Variants in TIAM1 observed in about 807,000 individuals in gnomAD.
TIAM1 encodes the protein TIAM Rac1 associated GEF 1.
A neutral mutation model predicts 163.5 loss-of-function variants in TIAM1; 65 were observed. The observed-to-expected ratio is 0.40, with a 90% confidence interval of 0.33 to 0.49. TIAM1 has a LOEUF of 0.49. Among genes scored for constraint, TIAM1 ranks in the 20% least tolerant of loss-of-function variants. The probability of loss-of-function intolerance (pLI) is 0.77; values close to 1 mark genes in which losing one functional copy is unlikely to be tolerated. For synonymous variants in TIAM1, 833 were observed against 810.1 expected, an observed-to-expected ratio of 1.03 and a Z score of -0.48; for missense variants, 1,789 against 2,044.7, an observed-to-expected ratio of 0.87 and a Z score of 2.41.
At chr21:31,226,350 A>G (rs976743453) in intron 6 of TIAM1, among the ~76,000 whole-genome samples, 1 of 152,200 alleles carries the variant, frequency 6.6e-6, no homozygotes, top group African/African-American at 2.4e-5. Flanking sequence ...CATTACTGAC[A>G]TAGGAAGCTA....
intron 2 of TIAM1, among the ~76,000 whole-genome samples, chr21:31,350,649 C>T (rs1427066494): frequency 6.6e-6 from 1 of 152,202 alleles, no homozygotes; most frequent in Non-Finnish European, 1.5e-5. Flanking sequence ...CGTGACATGT[C>T]TGCTCCTGCT....
intron 19 of TIAM1, among the ~76,000 whole-genome samples, chr21:31,147,282 C>T (rs910864227): frequency 1.3e-5 from 2 of 152,098 alleles, no homozygotes; most frequent in African/African-American, 4.8e-5. Context: ...AATAACCTAT[C>T]CGGGCTGTTT....
intron 1 of TIAM1, among the ~76,000 whole-genome samples, chr21:31,479,835 C>A (rs1344354096): frequency 6.6e-6 from 1 of 152,120 alleles, no homozygotes; most frequent in African/African-American, 2.4e-5. Flanking sequence ...AACCCTATTC[C>A]CCACTGGGAT....
chr21:31,232,233 A>G (rs1359105752), intron 6 of TIAM1, among the ~76,000 whole-genome samples: 1 of 152,188 alleles, frequency 6.6e-6, no homozygotes, highest in African/African-American at 2.4e-5. Context: ...AGCTGCATGA[A>G]ACATTTAGCC....
chr21:31,195,746 T>C (rs1205205460), intron 12 of TIAM1, among the ~76,000 whole-genome samples: 2 of 152,216 alleles, frequency 1.3e-5, no homozygotes, highest in Non-Finnish European at 2.9e-5. Context: ...AATGATAGCA[T>C]TGAAACAGAA....
Position 31,526,801 on chromosome 21 carries a change from G to A in TIAM1, c.-422+32126C>T, listed in dbSNP as rs1016843045. The stretch of plus-strand genomic sequence containing the variant: ...ACTAAAACCTCCGCCTCCCAGGTTC[G>A]TGCGATTTTCCTGCCTCAACCTCCC... On this transcript the variant is annotated intron_variant, in intron 1 of 28. Transcript: ENST00000286827. Among the ~76,000 whole-genome samples the A allele has an allele frequency of 4.6e-5, 7 of 152,152 alleles. No homozygotes were observed. The South Asian group carries it at 1.0e-3, about 23-fold the overall frequency.
At chr21:31,389,390 G>A (rs2076931915) in intron 2 of TIAM1, among the ~76,000 whole-genome samples, 1 of 152,078 alleles carries the variant, frequency 6.6e-6, no homozygotes, top group South Asian at 2.1e-4. Flanking sequence ...AGTATTTTTA[G>A]TAGAGACAGG....
chr21:31,543,584 G>A (rs952991716), intron 1 of TIAM1, among the ~76,000 whole-genome samples: 2 of 152,316 alleles, frequency 1.3e-5, no homozygotes, highest in Non-Finnish European at 2.9e-5. Context: ...GAGGAAAACT[G>A]TAAGAAGATG....
intron 2 of TIAM1, among the ~76,000 whole-genome samples, chr21:31,306,773 A>G (rs1038745716): frequency 4.6e-5 from 7 of 152,206 alleles, no homozygotes; most frequent in African/African-American, 1.7e-4. Flanking sequence ...TTCCTGACTG[A>G]AGGAGTCTAA....
intron 22 of TIAM1, among the ~76,000 whole-genome samples, chr21:31,137,212 G>C (rs1389688298): frequency 6.6e-6 from 1 of 152,238 alleles, no homozygotes; most frequent in Non-Finnish European, 1.5e-5. Context: ...GTGCAGTTTG[G>C]ATTGCCCTTC....
intron 13 of TIAM1, among the ~76,000 whole-genome samples, chr21:31,190,722 C>T (rs1048856321): frequency 6.6e-6 from 1 of 152,114 alleles, no homozygotes; most frequent in Non-Finnish European, 1.5e-5. Flanking sequence ...CTAATTTCAA[C>T]AGTAAAGTGT....
At position 31,124,683 on chromosome 21, in the gene TIAM1, C is replaced by T. The variant is rs771450873; in HGVS notation, c.4145G>A (p.Ser1382Asn). ...CACAGCCTTTAGGAAATCCTTTCGG[C>T]TCTCTGGGGAGCTAGGAAAAGAAGA... is the stretch of plus-strand genomic sequence containing the variant. The part of the protein sequence containing the change: ...VFHLCCSSPE[S>N]RKDFLKAVHS... The change falls in exon 27 of 28, where the codon AGC (serine) becomes AAC (asparagine). Residue 1382 changes from serine (S) to asparagine (N), a missense_variant. This residue lies in a region of TIAM1 where 415 missense variants were observed against 439.2 expected (regional missense o/e 0.94). Transcript: ENST00000541036. 7 of 1,579,764 alleles carry T rather than the reference C, an allele frequency of 4.4e-6. No homozygotes were observed. In the South Asian group the frequency reaches 7.0e-5, roughly 16 times the overall value.
intron 20 of TIAM1, among the ~76,000 whole-genome samples, chr21:31,143,020 G>GT (rs1158255883): frequency 6.6e-6 from 1 of 152,158 alleles, no homozygotes; most frequent in Non-Finnish European, 1.5e-5. Context: ...TCCAAGCAAC[G>GT]TAACAGTGGA....
At chr21:31,397,606 C>G (rs984987427) in intron 2 of TIAM1, among the ~76,000 whole-genome samples, 7 of 152,212 alleles carry the variant, frequency 4.6e-5, no homozygotes, top group African/African-American at 1.7e-4. Flanking sequence ...GGACAAAGAG[C>G]TGGTGAAACC....
Position 31,461,222 on chromosome 21 carries a change from A to G in TIAM1, c.-369+2761T>C, listed in dbSNP as rs548906527. Among the ~76,000 whole-genome samples, 3 of 152,206 alleles carry G rather than the reference A, an allele frequency of 2.0e-5. No individual in the cohort carries two copies. In the South Asian group the frequency reaches 6.2e-4, roughly 32 times the overall value. On this transcript the variant is annotated intron_variant, in intron 2 of 28. Coordinates refer to the TIAM1 transcript ENST00000286827. The stretch of plus-strand genomic sequence containing the variant: ...TTTGAGGCCAGGTGCAGTGGCTCAT[A>G]CCTGTAATCCCAGCACTTTGCGAGG...
intron 2 of TIAM1, among the ~76,000 whole-genome samples, chr21:31,298,329 C>T (rs1330884134): frequency 6.6e-6 from 1 of 152,192 alleles, no homozygotes; most frequent in African/African-American, 2.4e-5. Context: ...TTTATTTAAC[C>T]TAGTGTTTTC....
At chr21:31,411,258 T>C (rs764950386) in intron 2 of TIAM1, among the ~76,000 whole-genome samples, 4 of 152,124 alleles carry the variant, frequency 2.6e-5, no homozygotes, top group African/African-American at 7.2e-5. Flanking sequence ...GCAGCAAATA[T>C]TAAAAGCTAG....
At chr21:31,364,038 C>T (rs529904947) in intron 2 of TIAM1, among the ~76,000 whole-genome samples, 31 of 152,322 alleles carry the variant, frequency 2.0e-4, no homozygotes, top group Admixed American at 4.6e-4. Flanking sequence ...AACACACAGG[C>T]CTGCTGGTGT....
intron 2 of TIAM1, among the ~76,000 whole-genome samples, chr21:31,451,721 G>A (rs574287661): frequency 1.7e-3 from 39 of 23,188 alleles, no homozygotes; most frequent in Non-Finnish European, 2.8e-3. Context: ...GTGTGTGCGT[G>A]TGTGTGTGTG....
Sources: allele counts gnomAD v4.1 joint callset (sites outside exome capture counted in the v4.1 genomes callset), GRCh38; gene constraint gnomAD v4.1.1; regional missense constraint gnomAD v4.1.1; transcripts MANE v1.5; gene names NCBI Gene and HGNC (gene_info 2026-07-23, HGNC 2026-07-21).